Variants in EIF4G3 observed in about 807,000 individuals in gnomAD.
EIF4G3 encodes eIF-4-gamma 3.
EIF4G3 carries 34 observed loss-of-function variants against 186.4 expected under a neutral mutation model. The ratio of observed to expected loss-of-function variants is 0.18; its 90% CI spans 0.14 to 0.24. EIF4G3 has a LOEUF of 0.24. Ranked by LOEUF, EIF4G3 falls within the 10% of genes least tolerant of loss-of-function variation. The pLI is 1.00. For synonymous variants in EIF4G3, 673 were observed against 679.5 expected (o/e 0.99, Z 0.15); for missense variants, 1,536 against 1,948.5 (o/e 0.79, Z 3.99).
intron 3 of EIF4G3, among the ~76,000 whole-genome samples, chr1:21,084,890 C>T (rs1389201834): frequency 6.6e-6 from 1 of 151,842 alleles, no homozygotes; most frequent in Non-Finnish European, 1.5e-5. Flanking sequence ...CTTCTTATCC[C>T]ATAAAGATGT....
At chr1:20,902,800 C>A (rs1027939008) in intron 15 of EIF4G3, among the ~76,000 whole-genome samples, 3 of 152,124 alleles carry the variant, frequency 2.0e-5, no homozygotes, top group Non-Finnish European at 4.4e-5. Flanking sequence ...GCCACCACGG[C>A]CAGCTACTTT....
At chr1:21,024,164 G>T (rs1465086220) in intron 4 of EIF4G3, among the ~76,000 whole-genome samples, 1 of 131,678 alleles carries the variant, frequency 7.6e-6, no homozygotes, top group Non-Finnish European at 1.8e-5. Flanking sequence ...CCGGGAGGGA[G>T]GTGGGGGGGG....
At chr1:20,808,299 C>T (rs1393014383) in intron 36 of EIF4G3, among the ~76,000 whole-genome samples, 4 of 152,060 alleles carry the variant, frequency 2.6e-5, no homozygotes, top group Admixed American at 1.3e-4. Context: ...CTATTTTCTG[C>T]GCTGCAAGTT....
chr1:20,943,316 GATATAAT>G (rs1558358284), intron 13 of EIF4G3, among the ~76,000 whole-genome samples: 1 of 152,304 alleles, frequency 6.6e-6, no homozygotes, highest in South Asian at 2.1e-4. Flanking sequence ...GAAATAGTTT[GATATAAT>G]ATACAAAAAT....
At chr1:21,097,596 G>C (rs2096405968) in intron 2 of EIF4G3, among the ~76,000 whole-genome samples, 1 of 152,132 alleles carries the variant, frequency 6.6e-6, no homozygotes, top group Non-Finnish European at 1.5e-5. Flanking sequence ...AAAATAGTGT[G>C]GTACTGGCAA....
chr1:21,082,835 G>A (rs1339964761), intron 3 of EIF4G3, among the ~76,000 whole-genome samples: 6 of 151,368 alleles, frequency 4.0e-5, no homozygotes, highest in East Asian at 1.9e-4. Flanking sequence ...TCAGGAGATC[G>A]AGACCATCTT....
intron 36 of EIF4G3, among the ~76,000 whole-genome samples, chr1:20,808,979 C>CT (rs955983586): frequency 2.5e-4 from 36 of 146,330 alleles, no homozygotes; most frequent in East Asian, 7.9e-4. Context: ...GTCGTATTAA[C>CT]TTTTTTTTTT....
At chr1:20,861,430 A>G (rs2076306255) in intron 23 of EIF4G3, among the ~76,000 whole-genome samples, 1 of 152,220 alleles carries the variant, frequency 6.6e-6, no homozygotes, top group African/African-American at 2.4e-5. Context: ...GCAGAATAGG[A>G]GGGTCACAGG....
intron 2 of EIF4G3, among the ~76,000 whole-genome samples, chr1:21,168,421 A>G (rs1349719398): frequency 2.0e-5 from 3 of 151,854 alleles, no homozygotes; most frequent in African/African-American, 7.3e-5. Flanking sequence ...TAAAAAAAAA[A>G]AGTATCTCTT....
At chr1:20,946,493 G>A (rs990372771) in intron 13 of EIF4G3, among the ~76,000 whole-genome samples, 1 of 152,136 alleles carries the variant, frequency 6.6e-6, no homozygotes, top group Non-Finnish European at 1.5e-5. Context: ...AATGTAAAAT[G>A]GTAGATTTGT....
rs1278684102 is a variant in EIF4G3, at chr1:20,814,846, G to T, written c.4516-1607C>A. 7.1e-5 allele frequency among the ~76,000 whole-genome samples: 8 copies of T among 113,140 alleles called. No individual in the cohort carries two copies. The South Asian group carries it at 1.2e-3, about 17-fold the overall frequency. 74.2% of individuals were successfully genotyped at this position (113,140 alleles called of 152,430 possible). ...CTCTGATGCCGAGCCAAAGCTGGAC[G>T]GTACTGCTGCCATCTCGGCTCACTG... On this transcript the variant is annotated intron_variant, in intron 34 of 36. Coordinates refer to ENST00000602326, the MANE Select transcript of EIF4G3 (RefSeq NM_001391906.1).
intron 2 of EIF4G3, among the ~76,000 whole-genome samples, chr1:21,123,329 G>A (rs1289040846): frequency 2.0e-5 from 3 of 152,030 alleles, no homozygotes; most frequent in South Asian, 2.1e-4. Context: ...GTGGGAGGCC[G>A]AGATGAGCAG....
chr1:21,082,594 C>CA (rs1284494132), intron 3 of EIF4G3, among the ~76,000 whole-genome samples: 2 of 151,524 alleles, frequency 1.3e-5, no homozygotes, highest in African/African-American at 2.4e-5. Context: ...TCAAAACAAA[C>CA]AAAAAAACAA....
At chr1:20,812,806 T>C (rs567838026) in intron 35 of EIF4G3, among the ~76,000 whole-genome samples, 1 of 152,186 alleles carries the variant, frequency 6.6e-6, no homozygotes, top group Non-Finnish European at 1.5e-5. Flanking sequence ...TACTGATAAT[T>C]AGATTAAGAA....
intron 29 of EIF4G3, among the ~76,000 whole-genome samples, chr1:20,841,949 A>AC (rs1162136396): frequency 2.0e-4 from 31 of 152,060 alleles, no homozygotes; most frequent in Admixed American, 4.6e-4. Flanking sequence ...CAGAAGGGAG[A>AC]AGGCTCATCT....
intron 4 of EIF4G3, among the ~76,000 whole-genome samples, chr1:21,023,675 G>A (rs933533052): frequency 6.6e-6 from 1 of 151,712 alleles, no homozygotes; most frequent in Non-Finnish European, 1.5e-5. Context: ...CTGCCCAGCC[G>A]CCACCCCGTC....
intron 3 of EIF4G3, among the ~76,000 whole-genome samples, chr1:21,057,426 A>C (rs1377764898): frequency 1.3e-5 from 2 of 152,222 alleles, no homozygotes; most frequent in African/African-American, 4.8e-5. Context: ...CCATTTATCC[A>C]AATATCCAAA....
intron 3 of EIF4G3, among the ~76,000 whole-genome samples, chr1:21,070,843 C>G (rs1474961474): frequency 6.6e-6 from 1 of 152,142 alleles, no homozygotes; most frequent in Non-Finnish European, 1.5e-5. Context: ...TAGACTGAAT[C>G]TTTTTGTAAG....
At chr1:20,824,485 TTTTC>T (rs2063130027) in intron 33 of EIF4G3, among the ~76,000 whole-genome samples, 1 of 152,230 alleles carries the variant, frequency 6.6e-6, no homozygotes, top group Admixed American at 6.5e-5. Context: ...GAGAGTTTTG[TTTTC>T]TTTCTGTTAC....
Sources: allele counts gnomAD v4.1 joint callset (sites outside exome capture counted in the v4.1 genomes callset), GRCh38; gene constraint gnomAD v4.1.1; transcripts MANE v1.5; gene names NCBI Gene and HGNC (gene_info 2026-07-23, HGNC 2026-07-21).